Variants in IFT81 observed in about 807,000 individuals in gnomAD.
The protein encoded by IFT81 is intraflagellar transport protein 81 homolog.
In IFT81, 72 loss-of-function variants were observed where a neutral mutation model predicts 102.6. That is an observed-to-expected ratio of 0.70 (90% CI 0.58 to 0.85). The LOEUF (loss-of-function observed/expected upper bound fraction) is 0.85. IFT81 is among the 40% of genes least tolerant of loss of function. The pLI is 0.00. For synonymous variants in IFT81, 237 were observed against 242.7 expected (o/e 0.98, Z 0.22); for missense variants, 723 against 787.3 (o/e 0.92, Z 0.98).
In IFT81 at chr12:110,143,424, A is replaced by G. The variant is rs1171874653; in HGVS notation, c.824A>G (p.Tyr275Cys). The G allele has an allele frequency of 2.0e-6, 3 of 1,481,010 alleles. No homozygotes were observed. The highest frequency in any genetic ancestry group is 4.9e-5 in the Admixed American group (2 of 41,174). 91.7% of individuals were successfully genotyped at this position (1,481,010 alleles called of 1,614,324 possible). ...RLEEEIKFNLYMVTEKFPKEL... is the reference protein window; with the variant it reads ...RLEEEIKFNLCMVTEKFPKEL... Reference sequence around the variant, plus strand: ...GAGGAGGAGATAAAATTTAATTTATATATGGTAACTGAAAAATTTCCTAAA... The same window carrying G: ...GAGGAGGAGATAAAATTTAATTTATGTATGGTAACTGAAAAATTTCCTAAA... Residue 275 changes from tyrosine (Y) to cysteine (C), a missense_variant, in exon 9 of 19, where the codon TAT (tyrosine) becomes TGT (cysteine). Coordinates refer to ENST00000242591, the MANE Select transcript of IFT81 (RefSeq NM_014055.4).
At chr12:110,206,666 C>A in intron 17 of IFT81, among the ~76,000 whole-genome samples, 1 of 144,338 alleles carries the variant, frequency 6.9e-6, no homozygotes, top group Non-Finnish European at 1.5e-5. Context: ...CAAAGGGAGA[C>A]TCTGTCTTTA....
At chr12:110,189,700 A>G (rs1265513515) in intron 12 of IFT81, among the ~76,000 whole-genome samples, 1 of 152,068 alleles carries the variant, frequency 6.6e-6, no homozygotes, top group Non-Finnish European at 1.5e-5. Flanking sequence ...TGGATATCTA[A>G]TATATATTTC....
chr12:110,202,114 A>T (rs1030660892), intron 14 of IFT81, among the ~76,000 whole-genome samples: 2 of 152,234 alleles, frequency 1.3e-5, no homozygotes, highest in African/African-American at 4.8e-5. Context: ...CTGACAGTAG[A>T]TTGGTTTACA....
At chr12:110,152,064 C>T (rs1034999304) in intron 10 of IFT81, among the ~76,000 whole-genome samples, 2 of 152,164 alleles carry the variant, frequency 1.3e-5, no homozygotes, top group African/African-American at 4.8e-5. Context: ...CTGATGGATA[C>T]ATGGGTTGAT....
chr12:110,211,777 G>T (rs370776695), intron 18 of IFT81, among the ~76,000 whole-genome samples: 3 of 152,070 alleles, frequency 2.0e-5, no homozygotes, highest in Non-Finnish European at 4.4e-5. Context: ...AAAGTGCTGG[G>T]ATTACAGGCA....
chr12:110,168,319 G>A (rs922693348), intron 11 of IFT81: 5 of 161,414 alleles, frequency 3.1e-5, no homozygotes, highest in African/African-American at 1.2e-4. Context: ...CAGAAAGCTG[G>A]AAGAAATAGT....
At chr12:110,188,157 C>T (rs1027221711) in intron 12 of IFT81, among the ~76,000 whole-genome samples, 1 of 151,804 alleles carries the variant, frequency 6.6e-6, no homozygotes, top group African/African-American at 2.4e-5. Context: ...ACAGTGAAAC[C>T]CTGTCTCTAC....
chr12:110,203,055 C>G (rs568251378), intron 14 of IFT81, among the ~76,000 whole-genome samples: 1 of 152,208 alleles, frequency 6.6e-6, no homozygotes, highest in East Asian at 1.9e-4. Flanking sequence ...CACCTGAGAT[C>G]AGGAGTTCAA....
Position 110,132,548 on chromosome 12 carries a change from A to G in IFT81, c.431A>G (p.Tyr144Cys). The stretch of plus-strand genomic sequence containing the variant: ...TAATTTCTTAACTTATTCTTCTAGT[A>G]TGAAGAGTTAATGGAAGCCTTTAAA... ...DETVADTNKQ[Y>C]EELMEAFKTL... The change falls in exon 5 of 19, where the codon TAT (tyrosine) becomes TGT (cysteine). Residue 144 changes from tyrosine to cysteine, a missense_variant and splice_region_variant. Coordinates refer to ENST00000242591, the MANE Select transcript of IFT81 (RefSeq NM_014055.4). 1 of 1,375,792 alleles carries G rather than the reference A, an allele frequency of 7.3e-7. No individual in the cohort carries two copies. The highest frequency in any genetic ancestry group is 1.2e-5 in the South Asian group (1 of 80,406). The allele number at this position is 1,375,792 out of a possible 1,614,324, so 85.2% of individuals were successfully genotyped here.
chr12:110,210,698 C>A (rs1593378291), intron 18 of IFT81, among the ~76,000 whole-genome samples: 1 of 151,104 alleles, frequency 6.6e-6, no homozygotes, highest in Admixed American at 6.6e-5. Flanking sequence ...GAGATCATGC[C>A]ACTGCACTCC....
At chr12:110,210,434 A>G (rs928966233) in intron 18 of IFT81, among the ~76,000 whole-genome samples, 1 of 152,190 alleles carries the variant, frequency 6.6e-6, no homozygotes, top group African/African-American at 2.4e-5. Context: ...CAGTTTCACT[A>G]TTGAAAATAA....
chr12:110,187,437 G>A (rs1897586649), intron 12 of IFT81, among the ~76,000 whole-genome samples: 1 of 151,894 alleles, frequency 6.6e-6, no homozygotes, highest in African/African-American at 2.4e-5. Flanking sequence ...CTAATTTTTT[G>A]TATTTTTAGT....
At chr12:110,183,773 G>A (rs1402189001) in intron 12 of IFT81, among the ~76,000 whole-genome samples, 1 of 152,132 alleles carries the variant, frequency 6.6e-6, no homozygotes, top group African/African-American at 2.4e-5. Flanking sequence ...TGAGCCATTT[G>A]CCACTGCCCA....
chr12:110,193,316 A>G lies in IFT81; in HGVS notation c.1557+610A>G, dbSNP rs146951239. On this transcript the variant is annotated intron_variant, in intron 14 of 18. Transcript: ENST00000242591. ...AGAGGAGATTTTTTCTTTAAATCATATGGACCTTAAAGCTATAAATATGAA... is the reference window on the plus strand; with the variant it reads ...AGAGGAGATTTTTTCTTTAAATCATGTGGACCTTAAAGCTATAAATATGAA... Among the ~76,000 whole-genome samples the G allele has an allele frequency of 3.9e-3, 593 of 152,344 alleles. 7 individuals carry two copies. The highest frequency in any genetic ancestry group is 6.6e-3 in the South Asian group (32 of 4,828).
At chr12:110,152,492 T>G (rs1895596174) in intron 10 of IFT81, among the ~76,000 whole-genome samples, 1 of 152,228 alleles carries the variant, frequency 6.6e-6, no homozygotes, top group Non-Finnish European at 1.5e-5. Context: ...TTTAATCAGG[T>G]TATCTGTTTT....
rs1870404396 is a variant in IFT81 at position 110,218,291 on chromosome 12, A to T, written c.*65A>T. ...AGCTATAAGCCTAATCTCATAATGT[A>T]TTTCTTTTTTGAAACTGATTTGTAT... On this transcript the variant is annotated 3_prime_UTR_variant, in exon 19 of 19. Coordinates refer to ENST00000242591, the MANE Select transcript of IFT81 (RefSeq NM_014055.4). 8.1e-7 allele frequency: 1 copy of T among 1,235,530 alleles called. No homozygotes were observed. The highest frequency in any genetic ancestry group is 1.6e-5 in the African/African-American group (1 of 63,878). The allele number at this position is 1,235,530 out of a possible 1,614,324, so 76.5% of individuals were successfully genotyped here.
At chr12:110,202,630 T>G (rs982252025) in intron 14 of IFT81, among the ~76,000 whole-genome samples, 25 of 151,986 alleles carry the variant, frequency 1.6e-4, no homozygotes, top group African/African-American at 5.8e-4. Context: ...TTTTTTTGTA[T>G]TTTTAGTAGA....
At chr12:110,166,656 G>A (rs1310655214) in intron 11 of IFT81, among the ~76,000 whole-genome samples, 3 of 151,610 alleles carry the variant, frequency 2.0e-5, no homozygotes, top group Non-Finnish European at 4.4e-5. Context: ...CAGTTAGCAT[G>A]TAAGAGACTA....
chr12:110,161,537 A>G (rs1297313163), intron 10 of IFT81, among the ~76,000 whole-genome samples: 2 of 151,600 alleles, frequency 1.3e-5, no homozygotes, highest in Non-Finnish European at 2.9e-5. Context: ...TCAACCTCTT[A>G]AGCTGAAGTG....
Sources: allele counts gnomAD v4.1 joint callset (sites outside exome capture counted in the v4.1 genomes callset), GRCh38; gene constraint gnomAD v4.1.1; transcripts MANE v1.5; gene names NCBI Gene and HGNC (gene_info 2026-07-23, HGNC 2026-07-21).